AGBL4: variants seen among roughly 807,000 people sequenced by gnomAD.
AGBL4 encodes the protein AGBL carboxypeptidase 4.
Under a neutral mutation model 66.4 loss-of-function variants are expected in AGBL4, and 58 were observed. That is an observed-to-expected ratio of 0.87 (90% CI 0.71 to 1.09). AGBL4 has a LOEUF of 1.09. Among genes scored for constraint, AGBL4 ranks in the 50% least tolerant of loss-of-function variants. The pLI is 0.00. For missense variants in AGBL4, 579 were observed against 631.0 expected, an observed-to-expected ratio of 0.92 and a Z score of 0.88; for synonymous variants, 234 against 222.9, an observed-to-expected ratio of 1.05 and a Z score of -0.44.
At chr1:49,666,372 C>T (rs185071667) in intron 3 of AGBL4, among the ~76,000 whole-genome samples, 1 of 152,130 alleles carries the variant, frequency 6.6e-6, no homozygotes, top group Non-Finnish European at 1.5e-5. Flanking sequence ...GCGAGACCAG[C>T]CTGGCCAACA....
At chr1:49,407,356 C>T (rs1307400955) in intron 3 of AGBL4, among the ~76,000 whole-genome samples, 3 of 152,186 alleles carry the variant, frequency 2.0e-5, no homozygotes, top group Non-Finnish European at 4.4e-5. Context: ...ACCACTGGCT[C>T]TTCTGGGTCT....
At chr1:49,750,640 C>T (rs1057045527) in intron 2 of AGBL4, among the ~76,000 whole-genome samples, 2 of 152,134 alleles carry the variant, frequency 1.3e-5, no homozygotes, top group Non-Finnish European at 2.9e-5. Context: ...TCAATGGTAA[C>T]TTGATGGGAA....
Position 49,907,347 on chromosome 1 carries a change from C to G in AGBL4, c.35-55829G>C, listed in dbSNP as rs561217838. Among the ~76,000 whole-genome samples, 8 of 152,018 alleles carry G rather than the reference C, an allele frequency of 5.3e-5. No individual in the cohort carries two copies. In the South Asian group the frequency reaches 1.0e-3, roughly 20 times the overall value. ...ACATTAAGTATACCAGTCCTTATTC[C>G]AAAAAGAATATAGTTTTATCTGTAG... On this transcript the variant is annotated intron_variant, in intron 1 of 13. Coordinates refer to ENST00000371839, the MANE Select transcript of AGBL4 (RefSeq NM_032785.4).
chr1:49,410,135 A>G (rs1338195589), intron 3 of AGBL4, among the ~76,000 whole-genome samples: 1 of 152,086 alleles, frequency 6.6e-6, no homozygotes, highest in African/African-American at 2.4e-5. Context: ...CCTCTTAAGG[A>G]TGTATAATAT....
intron 4 of AGBL4, among the ~76,000 whole-genome samples, chr1:49,216,622 T>C (rs757978374): frequency 2.0e-5 from 3 of 152,186 alleles, no homozygotes; most frequent in Admixed American, 6.6e-5. Context: ...TATTCCATAG[T>C]ATATATTTCC....
At chr1:49,323,700 C>T (rs1645173434) in intron 3 of AGBL4, among the ~76,000 whole-genome samples, 1 of 150,696 alleles carries the variant, frequency 6.6e-6, no homozygotes, top group African/African-American at 2.4e-5. Context: ...ATCCAGGAGG[C>T]AGAGCTTGCA....
chr1:49,756,534 C>T (rs1443556146), intron 2 of AGBL4, among the ~76,000 whole-genome samples: 2 of 152,204 alleles, frequency 1.3e-5, no homozygotes, highest in African/African-American at 2.4e-5. Flanking sequence ...CTATAGGTAG[C>T]AGTAGAAGAC....
At chr1:48,597,324 A>G (rs1394951777) in intron 9 of AGBL4, among the ~76,000 whole-genome samples, 1 of 152,242 alleles carries the variant, frequency 6.6e-6, no homozygotes, top group African/African-American at 2.4e-5. Flanking sequence ...CAAAACAGAT[A>G]AGATTCCTGC....
intron 3 of AGBL4, among the ~76,000 whole-genome samples, chr1:49,500,687 A>G (rs561795127): frequency 2.0e-5 from 3 of 152,102 alleles, no homozygotes; most frequent in South Asian, 2.1e-4. Context: ...TCAGTTGACT[A>G]TAAGTATTTG....
At chr1:49,398,773 T>C (rs187752841) in intron 3 of AGBL4, among the ~76,000 whole-genome samples, 8 of 152,310 alleles carry the variant, frequency 5.3e-5, no homozygotes, top group African/African-American at 1.9e-4. Flanking sequence ...CACAGGCATG[T>C]ACTGTAGAAC....
chr1:49,163,491 A>G (rs1172138250), intron 4 of AGBL4, among the ~76,000 whole-genome samples: 1 of 152,232 alleles, frequency 6.6e-6, no homozygotes, highest in African/African-American at 2.4e-5. Context: ...TTTATGGTTG[A>G]CCACATTATA....
intron 3 of AGBL4, among the ~76,000 whole-genome samples, chr1:49,688,293 C>T (rs940554398): frequency 5.9e-5 from 9 of 152,120 alleles, no homozygotes; most frequent in African/African-American, 1.7e-4. Flanking sequence ...TAATTTTTAG[C>T]TAATTTTAGC....
intron 1 of AGBL4, among the ~76,000 whole-genome samples, chr1:49,938,855 A>C (rs1251697538): frequency 6.6e-6 from 1 of 152,168 alleles, no homozygotes; most frequent in Admixed American, 6.6e-5. Flanking sequence ...TGGCCAGGGC[A>C]ATTAGGCAGG....
intron 4 of AGBL4, among the ~76,000 whole-genome samples, chr1:49,101,480 C>A (rs935491654): frequency 6.6e-6 from 1 of 152,154 alleles, no homozygotes; most frequent in Non-Finnish European, 1.5e-5. Flanking sequence ...AGCTACCATG[C>A]CTGGCCTAAA....
At chr1:48,601,968 C>T (rs893277085) in intron 9 of AGBL4, among the ~76,000 whole-genome samples, 1 of 152,130 alleles carries the variant, frequency 6.6e-6, no homozygotes, top group African/African-American at 2.4e-5. Flanking sequence ...GACTGAGATA[C>T]AATTTTTAAG....
chr1:49,317,652 T>TA (rs1160095789), intron 3 of AGBL4, among the ~76,000 whole-genome samples: 1 of 151,706 alleles, frequency 6.6e-6, no homozygotes, highest in South Asian at 2.1e-4. Flanking sequence ...CAATGCAAAT[T>TA]AAAAAATCAC....
At chr1:49,006,072 C>G (rs1474268255) in intron 5 of AGBL4, among the ~76,000 whole-genome samples, 1 of 152,098 alleles carries the variant, frequency 6.6e-6, no homozygotes, top group South Asian at 2.1e-4. Context: ...CCAGCGTGAG[C>G]GACGCAGAAG....
intron 1 of AGBL4, among the ~76,000 whole-genome samples, chr1:49,919,071 G>T (rs1651905430): frequency 6.6e-6 from 1 of 152,164 alleles, no homozygotes; most frequent in African/African-American, 2.4e-5. Flanking sequence ...ATTCGGTATT[G>T]ATGGGACATA....
intron 2 of AGBL4, among the ~76,000 whole-genome samples, chr1:49,786,499 C>T (rs985868678): frequency 6.6e-6 from 1 of 152,104 alleles, no homozygotes; most frequent in African/African-American, 2.4e-5. Context: ...TTAAGTATAC[C>T]TTTAAAATAT....
Sources: allele counts gnomAD v4.1 joint callset (sites outside exome capture counted in the v4.1 genomes callset), GRCh38; gene constraint gnomAD v4.1.1; transcripts MANE v1.5; gene names NCBI Gene and HGNC (gene_info 2026-07-23, HGNC 2026-07-21).